The following PTCHD4 variants were observed in gnomAD, a reference collection of about 807,000 sequenced individuals.
PTCHD4 encodes the protein patched domain-containing protein 4.
PTCHD4 carries 33 observed loss-of-function variants against 58.1 expected under a neutral mutation model. The observed-to-expected ratio is 0.57, with a 90% CI of 0.43 to 0.76. PTCHD4 has a LOEUF of 0.76. Ranked by LOEUF, PTCHD4 falls within the 30% of genes least tolerant of loss-of-function variation. PTCHD4 has a pLI of 0.00. For synonymous variants in PTCHD4, 478 were observed against 409.6 expected, an observed-to-expected ratio of 1.17 and a Z score of -2.02; for missense variants, 1,058 against 1,027.1, an observed-to-expected ratio of 1.03 and a Z score of -0.41.
chr6:47,949,506 G>A (rs16876856), intron 4 of PTCHD4, among the ~76,000 whole-genome samples: 7,327 of 152,188 alleles, frequency 0.048, 210 homozygotes, highest in African/African-American at 0.063. Context: ...GAAATGCAAA[G>A]CCACAAGCGG....
chr6:48,028,592 A>T (rs1554169615), intron 3 of PTCHD4, among the ~76,000 whole-genome samples: 3 of 151,976 alleles, frequency 2.0e-5, no homozygotes, highest in Non-Finnish European at 4.4e-5. Context: ...GTATTTTTGG[A>T]TTTTTTTGGT....
chr6:47,890,676 T>C (rs1764348589), intron 4 of PTCHD4, among the ~76,000 whole-genome samples: 2 of 152,272 alleles, frequency 1.3e-5, no homozygotes, highest in South Asian at 4.1e-4. Flanking sequence ...GCAGCTTGGT[T>C]ACTGATGTCT....
At chr6:47,880,138 T>C (rs1427085864) in intron 4 of PTCHD4, among the ~76,000 whole-genome samples, 1 of 152,132 alleles carries the variant, frequency 6.6e-6, no homozygotes, top group Non-Finnish European at 1.5e-5. Context: ...CCCAAATTTA[T>C]TGATATTCTG....
In PTCHD4 at chr6:47,879,244, C is replaced by T. The variant is rs778360888; in HGVS notation, c.1591G>A (p.Val531Ile). ...CAGAGTCTTCTTAGGTCATCCTGGA[C>T]GCTGCTGTTCCAGTACTCTAGGGGC... ...YEPLEYWNSS[V>I]QDDLRRLCSG... is the part of the protein sequence containing the mutation. Residue 531 changes from valine (V) to isoleucine (I), a missense_variant, in exon 5 of 5, where the codon GTC becomes ATC. By Grantham distance (29) the Val-to-Ile change is conservative (BLOSUM62 3). Coordinates refer to ENST00000339488, the MANE Select transcript of PTCHD4 (RefSeq NM_001384253.1). 7.4e-6 allele frequency: 12 copies of T among 1,612,660 alleles called. No individual in the cohort carries two copies. The highest frequency in any genetic ancestry group is 6.6e-5 in the South Asian group (6 of 90,988).
At chr6:48,108,704 A>G (rs1260448367) in intron 1 of PTCHD4, among the ~76,000 whole-genome samples, 1 of 152,080 alleles carries the variant, frequency 6.6e-6, no homozygotes, top group South Asian at 2.1e-4. Context: ...TCTGCAATGA[A>G]AAGTATCAAT....
chr6:47,979,787 C>T (rs1277960613), intron 4 of PTCHD4, among the ~76,000 whole-genome samples: 1 of 151,962 alleles, frequency 6.6e-6, no homozygotes, highest in Non-Finnish European at 1.5e-5. Context: ...AGAATACTAT[C>T]CTTAGGTAAA....
At chr6:48,043,301 C>T (rs1763910977) in intron 3 of PTCHD4, among the ~76,000 whole-genome samples, 1 of 151,866 alleles carries the variant, frequency 6.6e-6, no homozygotes, top group Non-Finnish European at 1.5e-5. Context: ...AAACTGTTCT[C>T]TTCTGTATTT....
chr6:47,945,857 A>G (rs1203492298), intron 4 of PTCHD4, among the ~76,000 whole-genome samples: 1 of 151,782 alleles, frequency 6.6e-6, no homozygotes, highest in Non-Finnish European at 1.5e-5. Flanking sequence ...GGATATTCTT[A>G]GTGACCTTAT....
intron 4 of PTCHD4, among the ~76,000 whole-genome samples, chr6:47,978,293 C>T (rs1005938743): frequency 6.6e-6 from 1 of 152,146 alleles, no homozygotes; most frequent in South Asian, 2.1e-4. Context: ...CTGCTACTCA[C>T]AGTTCTTACT....
chr6:48,069,141 G>T lies in PTCHD4; in HGVS notation c.-184C>A, dbSNP rs1403575472. Among the ~76,000 whole-genome samples, 4 of 55,260 alleles carry T rather than the reference G, an allele frequency of 7.2e-5. No homozygotes were observed. The highest frequency in any genetic ancestry group is 1.6e-4 in the Non-Finnish European group (4 of 24,824). 36.3% of individuals were successfully genotyped at this position (55,260 alleles called of 152,430 possible). A position where few individuals can be genotyped will look rare whatever the true frequency, so the allele number is the denominator to read the frequency against. ...AAGAAGCAGACATGTGCCCCATAAA[G>T]GGGGGGGGGGCTGAGGGGGGGAGAG... On this transcript the variant is annotated 5_prime_UTR_variant, in exon 2 of 5. Coordinates refer to ENST00000339488, the MANE Select transcript of PTCHD4 (RefSeq NM_001384253.1).
In PTCHD4 at chr6:47,971,348, C is replaced by T. The variant is rs112595590; in HGVS notation, c.898+37286G>A. 8.6e-3 allele frequency among the ~76,000 whole-genome samples: 1,308 copies of T among 152,044 alleles called. 14 individuals carry two copies. The highest frequency in any genetic ancestry group is 0.034 in the South Asian group (161 of 4,800). ...ATGATTGCTGAATAAAAAAAAAATC[C>T]CTCTAGAAGAGTTATATGTGAAGGT... On this transcript the variant is annotated intron_variant, in intron 4 of 4. Transcript: ENST00000339488.
rs1403864138 is a variant in PTCHD4, at chr6:47,988,340, GC to G, written c.898+20293del. 2.6e-5 allele frequency among the ~76,000 whole-genome samples: 4 copies of G among 152,042 alleles called. No homozygotes were observed. The East Asian group carries it at 5.8e-4, about 22-fold the overall frequency. On this transcript the variant is annotated intron_variant, in intron 4 of 4. Transcript: ENST00000339488. Reference sequence around the variant, plus strand: ...TCTGAAAACACCCATACAATTTTTTGCAAAAATAGTGACTATCACATACTTA... The same window carrying G: ...TCTGAAAACACCCATACAATTTTTTGAAAAATAGTGACTATCACATACTTA...
chr6:48,037,626 T>G (rs1227802979), intron 3 of PTCHD4, among the ~76,000 whole-genome samples: 1 of 152,162 alleles, frequency 6.6e-6, no homozygotes, highest in East Asian at 1.9e-4. Flanking sequence ...TGACAGAATT[T>G]ATGACATGTA....
chr6:48,026,916 C>CT lies in PTCHD4; in HGVS notation c.418-17803_418-17802insA, dbSNP rs750815027. Among the ~76,000 whole-genome samples, 5 of 55,126 alleles carry CT rather than the reference C, an allele frequency of 9.1e-5. No individual in the cohort carries two copies. In the East Asian group the frequency reaches 3.1e-3, roughly 34 times the overall value. 36.2% of individuals were successfully genotyped at this position (55,126 alleles called of 152,430 possible). On this transcript the variant is annotated intron_variant, in intron 3 of 4. Coordinates refer to ENST00000339488, the MANE Select transcript of PTCHD4 (RefSeq NM_001384253.1). ...TTGAGTACATAACCTCAATTTGTCC[C>CT]ATTTTTTTTTTTGGTAAGAAATACA...
chr6:47,966,839 T>C (rs532013021), intron 4 of PTCHD4, among the ~76,000 whole-genome samples: 1 of 152,318 alleles, frequency 6.6e-6, no homozygotes, highest in African/African-American at 2.4e-5. Flanking sequence ...CTAATTCTAG[T>C]TGTCTTGATA....
Position 47,878,098 on chromosome 6 carries a change from A to G in PTCHD4, c.*205T>C, listed in dbSNP as rs1763895636. 2 of 479,806 alleles carry G rather than the reference A, an allele frequency of 4.2e-6. No individual in the cohort carries two copies. Among genetic ancestry groups the G allele is most frequent in the Non-Finnish European group, 7.3e-6 (2 of 274,170 alleles). The allele number at this position is 479,806 out of a possible 1,614,324, so 29.7% of individuals were successfully genotyped here. On this transcript the variant is annotated 3_prime_UTR_variant, in exon 5 of 5. Coordinates refer to ENST00000339488, the MANE Select transcript of PTCHD4 (RefSeq NM_001384253.1). ...TCCAGAAACTTGTTTTTAGAGGAGA[A>G]CAAGGTTGCAAATAACTTTTTCCTC...
intron 4 of PTCHD4, among the ~76,000 whole-genome samples, chr6:47,915,887 C>T (rs1234268849): frequency 1.3e-5 from 2 of 151,992 alleles, no homozygotes; most frequent in South Asian, 2.1e-4. Context: ...TGAGGAATTT[C>T]GGGGGAGTGA....
intron 4 of PTCHD4, among the ~76,000 whole-genome samples, chr6:47,943,006 T>C (rs747289540): frequency 2.0e-5 from 3 of 152,330 alleles, no homozygotes; most frequent in Admixed American, 1.3e-4. Context: ...CCCCTCCGTA[T>C]GCAGTTTCAT....
chr6:47,937,998 C>CA, intron 4 of PTCHD4, among the ~76,000 whole-genome samples: 1 of 152,028 alleles, frequency 6.6e-6, no homozygotes, highest in East Asian at 1.9e-4. Context: ...ACTAAAAATA[C>CA]AAAAATTAGC....
Sources: allele counts gnomAD v4.1 joint callset (sites outside exome capture counted in the v4.1 genomes callset), GRCh38; gene constraint gnomAD v4.1.1; transcripts MANE v1.5; gene names NCBI Gene and HGNC (gene_info 2026-07-23, HGNC 2026-07-21).